The following TMEM243 variants were observed in gnomAD, a reference collection of about 807,000 sequenced individuals.
The protein encoded by TMEM243 is MDR1 and mitochondrial taxol resistance associated.
In TMEM243, 20 loss-of-function variants were observed where a neutral mutation model predicts 15.0. The ratio of observed to expected loss-of-function variants is 1.33; its 90% CI spans 0.94 to 1.93. The LOEUF (loss-of-function observed/expected upper bound fraction) is 1.93, where lower values mean the gene tolerates loss of function less well. Ranked by LOEUF, TMEM243 falls within the 30% of genes most tolerant of loss-of-function variation. The probability of loss-of-function intolerance (pLI) is 0.00; values close to 1 mark genes in which losing one functional copy is unlikely to be tolerated. For missense variants in TMEM243, 156 were observed against 142.1 expected, an observed-to-expected ratio of 1.10 and a Z score of -0.50; for synonymous variants, 72 against 52.7, an observed-to-expected ratio of 1.37 and a Z score of -1.59.
chr7:87,209,689 A>AGACACAGAGAGAGCGAGACACAGT (rs1237661489), intron 1 of TMEM243, among the ~76,000 whole-genome samples: 2 of 61,392 alleles, frequency 3.3e-5, no homozygotes, highest in Non-Finnish European at 7.0e-5. Flanking sequence ...AGACACAGCG[A>AGACACAGAGAGAGCGAGACACAGT]GAGAGCGAGA....
upstream of TMEM243, chr7:87,219,847 G>A (rs890052141): frequency 3.0e-5 from 10 of 336,302 alleles, no homozygotes; most frequent in Admixed American, 1.9e-4. Flanking sequence ...CCTCTGGGCC[G>A]CCAGGGTAGC....
intron 1 of TMEM243, among the ~76,000 whole-genome samples, chr7:87,202,382 A>G (rs1389754751): frequency 6.6e-6 from 1 of 152,244 alleles, no homozygotes; most frequent in Non-Finnish European, 1.5e-5. Context: ...AATCAATGGG[A>G]CAAATGGAGA....
intron 1 of TMEM243, among the ~76,000 whole-genome samples, chr7:87,202,228 G>A (rs1265944561): frequency 6.6e-6 from 1 of 152,158 alleles, no homozygotes; most frequent in Non-Finnish European, 1.5e-5. Flanking sequence ...GACAGAAAGT[G>A]AGCTATCTTG....
Position 87,219,654 on chromosome 7 carries a change from G to A in TMEM243, c.-151C>T. The A allele has an allele frequency of 1.5e-6, 1 of 665,856 alleles. No homozygotes were observed. The highest frequency in any genetic ancestry group is 2.6e-6 in the Non-Finnish European group (1 of 381,226). The allele number at this position is 665,856 out of a possible 1,614,324, so 41.2% of individuals were successfully genotyped here. On this transcript the variant is annotated 5_prime_UTR_variant, in exon 1 of 4. Transcript: ENST00000257637. ...GAAGCGCTGGCGCCAGGGATGGGTG[G>A]GGGCTCACACGCGGGGAACGCGACT...
At chr7:87,202,910 C>G (rs1801920856) in intron 1 of TMEM243, 1 of 152,184 alleles carries the variant, frequency 6.6e-6, no homozygotes, top group African/African-American at 2.4e-5. Context: ...TGCACTTGGG[C>G]CAGAGAAGGA....
At chr7:87,215,520 G>A (rs1319599332) in intron 1 of TMEM243, among the ~76,000 whole-genome samples, 1 of 151,880 alleles carries the variant, frequency 6.6e-6, no homozygotes. Context: ...TTTTCATATG[G>A]CTACTAAGAA....
intron 1 of TMEM243, among the ~76,000 whole-genome samples, chr7:87,200,862 C>CA: frequency 6.6e-6 from 1 of 152,136 alleles, no homozygotes; most frequent in East Asian, 1.9e-4. Flanking sequence ...CTGGTCTAGA[C>CA]AAAGATGTCA....
At chr7:87,217,114 A>G (rs1803169445) in intron 1 of TMEM243, among the ~76,000 whole-genome samples, 1 of 152,224 alleles carries the variant, frequency 6.6e-6, no homozygotes, top group Non-Finnish European at 1.5e-5. Flanking sequence ...TTGCACCTAA[A>G]GTTGAGAGGC....
At chr7:87,209,483 AGT>A (rs1165650401) in intron 1 of TMEM243, among the ~76,000 whole-genome samples, 13 of 136,254 alleles carry the variant, frequency 9.5e-5, no homozygotes, top group East Asian at 9.2e-4. Context: ...AGAGTGAGAT[AGT>A]GAGAGAGAGA....
chr7:87,209,514 C>T (rs1255685037), intron 1 of TMEM243, among the ~76,000 whole-genome samples: 3 of 91,294 alleles, frequency 3.3e-5, no homozygotes, highest in East Asian at 6.1e-4. Flanking sequence ...GTGAGAAAGA[C>T]AGTGAGAGAG....
At chr7:87,198,095 GTAATTACCAAC>G in intron 2 of TMEM243, 50 bp from the exon 3 acceptor site, 1 of 1,492,512 alleles carries the variant, frequency 6.7e-7, no homozygotes, top group East Asian at 2.3e-5. Flanking sequence ...CCAAGACTTG[GTAATTACCAAC>G]TGGAGTCTAG....
intron 1 of TMEM243, among the ~76,000 whole-genome samples, chr7:87,209,868 A>AAGAGACAGTGAGAGCGTG (rs1338444864): frequency 2.3e-5 from 3 of 130,230 alleles, no homozygotes; most frequent in Non-Finnish European, 3.3e-5. Context: ...GAGAGAGAGC[A>AAGAGACAGTGAGAGCGTG]AGAGACAGTG....
At chr7:87,217,805 G>A (rs1269892740) in intron 1 of TMEM243, among the ~76,000 whole-genome samples, 1 of 152,222 alleles carries the variant, frequency 6.6e-6, no homozygotes. Flanking sequence ...TAAAGTTCTT[G>A]AATGGGTTTC....
intron 1 of TMEM243, among the ~76,000 whole-genome samples, chr7:87,206,546 CAG>C (rs1278393164): frequency 2.0e-5 from 3 of 152,160 alleles, no homozygotes; most frequent in African/African-American, 7.2e-5. Context: ...AATCAGATAA[CAG>C]AGATGGCTAC....
At chr7:87,210,293 C>G (rs1802651401) in intron 1 of TMEM243, among the ~76,000 whole-genome samples, 1 of 152,102 alleles carries the variant, frequency 6.6e-6, no homozygotes, top group Non-Finnish European at 1.5e-5. Context: ...TGTCATTCAG[C>G]CCCTGGGCCC....
chr7:87,209,514 CAGTGAGAGAGAG>C (rs1407747209), intron 1 of TMEM243, among the ~76,000 whole-genome samples: 1 of 91,294 alleles, frequency 1.1e-5, no homozygotes, highest in Non-Finnish European at 2.2e-5. Context: ...GTGAGAAAGA[CAGTGAGAGAGAG>C]AGTGAGAGAG....
chr7:87,209,538 AAGTGAG>A (rs1194049875), intron 1 of TMEM243, among the ~76,000 whole-genome samples: 112 of 145,128 alleles, frequency 7.7e-4, no homozygotes, highest in Admixed American at 2.4e-3. Context: ...GTGAGAGAGA[AAGTGAG>A]AGACAATGAG....
intron 1 of TMEM243, among the ~76,000 whole-genome samples, chr7:87,207,721 C>T (rs1448517536): frequency 3.3e-5 from 5 of 152,172 alleles, no homozygotes; most frequent in Non-Finnish European, 7.4e-5. Flanking sequence ...TTTGGTGTTA[C>T]TTCTAAACTT....
At chr7:87,219,394 C>G in intron 1 of TMEM243, 32 bp downstream of exon 1, 4 of 1,607,422 alleles carry the variant, frequency 2.5e-6, no homozygotes, top group Non-Finnish European at 2.6e-6. Context: ...ACACACCCCC[C>G]ATCCCAGTCT....
Sources: gnomAD v4.1 joint callset for allele counts (sites outside exome capture counted in the v4.1 genomes callset) on GRCh38, gnomAD v4.1.1 for gene constraint, MANE v1.5 for transcripts, NCBI Gene and HGNC (gene_info 2026-07-23, HGNC 2026-07-21) for gene names.